TCIRG1: variants seen among roughly 807,000 people sequenced by gnomAD.
The protein encoded by TCIRG1 is T cell immune regulator 1, ATPase H+ transporting V0 subunit a3, also known as V-type proton ATPase 116 kDa subunit a 3.
A neutral mutation model predicts 95.5 loss-of-function variants in TCIRG1; 86 were observed. That is an observed-to-expected ratio of 0.90 (90% CI 0.76 to 1.08). TCIRG1 has a LOEUF of 1.08. Ranked by LOEUF, TCIRG1 falls within the 50% of genes least tolerant of loss-of-function variation. The pLI is 0.00. For synonymous variants in TCIRG1, 499 were observed against 501.3 expected (o/e 1.00, Z 0.06); for missense variants, 1,069 against 1,140.2 (o/e 0.94, Z 0.90).
In TCIRG1 at chr11:68,042,889, T is replaced by TG. The variant is rs757015667; in HGVS notation, c.417+32dup. On this transcript the variant is annotated intron_variant, in intron 4 of 19. Transcript: ENST00000265686. Reference sequence around the variant, plus strand: ...GTCAGCTCCCACCCAGGCAGGAGACTGGGGGGCTGGGGAGGGGCTGTCCAG... The same window carrying TG: ...GTCAGCTCCCACCCAGGCAGGAGACTGGGGGGGCTGGGGAGGGGCTGTCCAG... 4.5e-6 allele frequency: 7 copies of TG among 1,549,986 alleles called. No homozygotes were observed. In the East Asian group the frequency reaches 1.5e-4, roughly 33 times the overall value.
At position 68,043,492 on chromosome 11, in the gene TCIRG1, G is replaced by C; in HGVS notation, c.625G>C (p.Val209Leu). 3 of 1,569,150 alleles carry C rather than the reference G, an allele frequency of 1.9e-6. No individual in the cohort carries two copies. Among genetic ancestry groups the C allele is most frequent in the Non-Finnish European group, 2.6e-6 (3 of 1,157,578 alleles). The change falls in exon 6 of 20, where the codon GTG becomes CTG. Residue 209 changes from valine to leucine, a missense_variant. Physicochemically the swap from Val to Leu is conservative, Grantham distance 32. Transcript: ENST00000265686. ...GCTGGAGCAGCCGCTGGAGCACCCC[G>C]TGACGGTGAGCAGCTGGCGCTGGGC... Reference protein sequence around the residue: ...RELEQPLEHPVTGEPATWMTF... With the variant: ...RELEQPLEHPLTGEPATWMTF...
intron 9 of TCIRG1, 155 bp from the exon 10 acceptor site, chr11:68,044,803 A>T: frequency 1.1e-6 from 1 of 930,976 alleles, no homozygotes; most frequent in Non-Finnish European, 1.6e-6. Flanking sequence ...CCACCAGGGC[A>T]GAGCAGGGCT....
In TCIRG1 at chr11:68,043,883, A is replaced by G. The variant is rs2134440292; in HGVS notation, c.783A>G (p.Gln261=). 3 of 1,560,876 alleles carry G rather than the reference A, an allele frequency of 1.9e-6. No individual in the cohort carries two copies. The South Asian group carries it at 3.5e-5, about 18-fold the overall frequency. ...EARLGALQQL[Q]QQSQELQEVL... is the part of the protein sequence containing the mutation. ...GCCTCGGGGCCCTGCAGCAGCTGCA[A>G]CAGCAGAGCCAGGAGCTGCAGGAGG... Residue 261 remains glutamine (Q), a synonymous_variant, in exon 8 of 20, where the codon CAA becomes CAG. Coordinates refer to ENST00000265686, the MANE Select transcript of TCIRG1 (RefSeq NM_006019.4).
intron 3 of TCIRG1, 25 bp downstream of exon 3, chr11:68,041,856 C>A: frequency 1.3e-6 from 2 of 1,583,422 alleles, no homozygotes; most frequent in Non-Finnish European, 1.7e-6. Flanking sequence ...GGCCTACATT[C>A]CAGGCAGGCT....
downstream of TCIRG1, among the ~76,000 whole-genome samples, chr11:68,051,854 G>A (rs529422941): frequency 1.2e-4 from 19 of 152,300 alleles, no homozygotes; most frequent in South Asian, 3.3e-3. Flanking sequence ...GACTTGGGGC[G>A]GGCAGTGAGG....
At chr11:68,051,909 T>C (rs2134469122), downstream of TCIRG1, among the ~76,000 whole-genome samples, 1 of 151,892 alleles carries the variant, frequency 6.6e-6, no homozygotes, top group East Asian at 1.9e-4. Flanking sequence ...CCCAGTGTGA[T>C]TTAGGAGGGG....
rs572430021 is a variant in TCIRG1, at chr11:68,040,948, G to T, written c.-4-320G>T. Among the ~76,000 whole-genome samples the T allele has an allele frequency of 3.7e-4, 56 of 152,314 alleles. 1 individual carries two copies. The highest frequency in any genetic ancestry group is 2.9e-3 in the Admixed American group (45 of 15,304). ...GTGACGGCAGCCCGAGAGGAGGGAG[G>T]CCAGAGTGAAGGTGGGGGTGGAGCC... On this transcript the variant is annotated intron_variant, in intron 1 of 19. Coordinates refer to ENST00000265686, the MANE Select transcript of TCIRG1 (RefSeq NM_006019.4).
chr11:68,043,584 C>T lies in TCIRG1; in HGVS notation c.644C>T (p.Thr215Met), dbSNP rs755283570. 9.3e-6 allele frequency: 15 copies of T among 1,610,322 alleles called. No individual in the cohort carries two copies. The highest frequency in any genetic ancestry group is 2.2e-5 in the South Asian group (2 of 90,468). The change falls in exon 7 of 20, where the codon ACG becomes ATG. Residue 215 changes from threonine (T) to methionine (M), a missense_variant. Transcript: ENST00000265686. Reference sequence around the variant, plus strand: ...CCTGCTCTGCAGGGCGAGCCAGCCACGTGGATGACCTTCCTCATCTCCTAC... The same window carrying T: ...CCTGCTCTGCAGGGCGAGCCAGCCATGTGGATGACCTTCCTCATCTCCTAC... ...LEHPVTGEPATWMTFLISYWG... is the reference protein window; with the variant it reads ...LEHPVTGEPAMWMTFLISYWG...
Position 68,047,772 on chromosome 11 carries a change from T to C in TCIRG1, c.1431T>C (p.Ser477=), listed in dbSNP as rs1475217525. 1.9e-6 allele frequency: 3 copies of C among 1,612,800 alleles called. No homozygotes were observed. Among genetic ancestry groups the C allele is most frequent in the Non-Finnish European group, 2.5e-6 (3 of 1,179,862 alleles). ...RATSIFPSGW[S]VAAMANQSGW... The stretch of plus-strand genomic sequence containing the variant: ...CCAGCATCTTCCCCTCGGGCTGGAG[T>C]GTGGCCGCCATGGCCAACCAGTCTG... The change falls in exon 12 of 20, where the codon AGT becomes AGC. Residue 477 remains serine, a synonymous_variant. Transcript: ENST00000265686.
chr11:68,046,837 A>G (rs1407507923), intron 10 of TCIRG1: 15 of 455,718 alleles, frequency 3.3e-5, no homozygotes, highest in Non-Finnish European at 6.2e-5. Context: ...CTCTGGGAAC[A>G]GCAACAGCTG....
intron 10 of TCIRG1, 42 bp downstream of exon 10, chr11:68,045,144 G>C (rs759940957): frequency 3.1e-6 from 5 of 1,598,314 alleles, no homozygotes; most frequent in Non-Finnish European, 4.2e-6. Flanking sequence ...GGGAGGCTCA[G>C]CTGCCCCACT....
intron 3 of TCIRG1, 74 bp downstream of exon 3, chr11:68,041,905 A>C (rs1427363399): frequency 2.1e-6 from 3 of 1,396,042 alleles, no homozygotes; most frequent in Non-Finnish European, 3.0e-6. Flanking sequence ...TCTGAAAGGA[A>C]GAGTCTGGGT....
intron 18 of TCIRG1, 88 bp downstream of exon 18, chr11:68,050,342 T>C (rs1855738559): frequency 6.3e-7 from 1 of 1,598,130 alleles, no homozygotes; most frequent in Non-Finnish European, 8.5e-7. Flanking sequence ...TCTCTGGGCC[T>C]CAGTTTCCCC....
At chr11:68,044,933 GGTCT>G in intron 9 of TCIRG1, 21 bp from the exon 10 acceptor site, 1 of 1,605,172 alleles carries the variant, frequency 6.2e-7, no homozygotes, top group Non-Finnish European at 8.5e-7. Context: ...CCACCGTTCT[GGTCT>G]GTCTCTGCCC....
chr11:68,044,645 G>C (rs538935144), intron 9 of TCIRG1: 3 of 589,356 alleles, frequency 5.1e-6, no homozygotes, highest in African/African-American at 3.7e-5. Context: ...CTGTGGAACC[G>C]GTGTGATGCC....
chr11:68,053,141 A>ACT (rs1252805096), downstream of TCIRG1: 6 of 154,722 alleles, frequency 3.9e-5, 1 homozygote, highest in Admixed American at 3.9e-4. Context: ...GGCCCAGCCT[A>ACT]CTCACAGGAT....
chr11:68,047,265 CCCG>C (rs1855546946), intron 10 of TCIRG1, among the ~76,000 whole-genome samples, 165 bp from the exon 11 acceptor site: 2 of 113,910 alleles, frequency 1.8e-5, no homozygotes, highest in Non-Finnish European at 3.9e-5. Context: ...CCCCCCCCCC[CCCG>C]TCTCGGCCTC....
intron 5 of TCIRG1, 116 bp downstream of exon 5, chr11:68,043,147 C>T (rs1030559498): frequency 7.2e-5 from 110 of 1,529,902 alleles, no homozygotes; most frequent in Non-Finnish European, 7.0e-5. Flanking sequence ...AGGCTGGCCC[C>T]GCCTCCTCCT....
intron 10 of TCIRG1, among the ~76,000 whole-genome samples, chr11:68,045,494 C>A (rs1421734306): frequency 6.6e-6 from 1 of 152,026 alleles, no homozygotes; most frequent in Admixed American, 6.5e-5. Context: ...AGCTTAGTGA[C>A]TGTTGGAGAC....
Sources: gnomAD v4.1 joint callset for allele counts (sites outside exome capture counted in the v4.1 genomes callset) on GRCh38, gnomAD v4.1.1 for gene constraint, MANE v1.5 for transcripts, NCBI Gene and HGNC (gene_info 2026-07-23, HGNC 2026-07-21) for gene names.